TRIP12: variants seen among roughly 807,000 people sequenced by gnomAD.
TRIP12 encodes the protein thyroid hormone receptor interactor 12, also known as E3 ubiquitin-protein ligase TRIP12.
A neutral mutation model predicts 244.2 loss-of-function variants in TRIP12; 25 were observed. The observed-to-expected ratio is 0.10, with a 90% CI of 0.07 to 0.14. The LOEUF (loss-of-function observed/expected upper bound fraction) is 0.14, where lower values mean the gene tolerates loss of function less well. TRIP12 is among the 10% of genes least tolerant of loss of function. The pLI, the probability that TRIP12 is intolerant of heterozygous loss-of-function variation, is 1.00. For synonymous variants in TRIP12, 905 were observed against 873.1 expected, an observed-to-expected ratio of 1.04 and a Z score of -0.64; for missense variants, 1,677 against 2,486.4, an observed-to-expected ratio of 0.67 and a Z score of 6.92.
intron 13 of TRIP12, among the ~76,000 whole-genome samples, chr2:229,811,794 C>A (rs1374822160): frequency 2.6e-5 from 4 of 152,182 alleles, no homozygotes; most frequent in South Asian, 4.1e-4. Context: ...GAATGTTTTA[C>A]TGGCTAATGT....
chr2:229,767,591 G>C lies in TRIP12; in HGVS notation c.6167C>G (p.Ala2056Gly). The C allele has an allele frequency of 6.2e-7, 1 of 1,613,320 alleles. No homozygotes were observed. Among genetic ancestry groups the C allele is most frequent in the Non-Finnish European group, 8.5e-7 (1 of 1,179,752 alleles). Reference sequence around the variant, plus strand: ...GAACGACTGCTGCCCTTCTCTTGCTGCTATCAACAGTTTTTCACGCATTAT... The same window carrying C: ...GAACGACTGCTGCCCTTCTCTTGCTCCTATCAACAGTTTTTCACGCATTAT... ...IEIMREKLLIAAREGQQSFHL... is the reference protein window; with the variant it reads ...IEIMREKLLIGAREGQQSFHL... Residue 2056 changes from alanine to glycine, a missense_variant, in exon 42 of 42, where the codon GCA becomes GGA. Transcript: ENST00000675903.
upstream of TRIP12, chr2:229,922,127 G>A (rs979050382): frequency 2.3e-5 from 4 of 175,866 alleles, no homozygotes; most frequent in Admixed American, 1.8e-4. Flanking sequence ...GACCGGCACC[G>A]CTGCCTACTG....
intron 25 of TRIP12, 129 bp downstream of exon 25, chr2:229,796,462 T>C: frequency 1.5e-6 from 1 of 671,160 alleles, no homozygotes; most frequent in Non-Finnish European, 2.3e-6. Flanking sequence ...ATTCCAACTA[T>C]GTGAAAACCT....
chr2:229,916,258 A>C (rs2075358071), intron 1 of TRIP12, among the ~76,000 whole-genome samples: 1 of 152,266 alleles, frequency 6.6e-6, no homozygotes, highest in African/African-American at 2.4e-5. Context: ...AAGGTTACAA[A>C]GATGGGAAAT....
chr2:229,790,578 A>C (rs2041248858), intron 30 of TRIP12, among the ~76,000 whole-genome samples: 1 of 152,058 alleles, frequency 6.6e-6, no homozygotes, highest in African/African-American at 2.4e-5. Flanking sequence ...ATATTGTCTA[A>C]CTCTAAGGCA....
At chr2:229,870,656 A>C (rs1381662255) in intron 2 of TRIP12, among the ~76,000 whole-genome samples, 1 of 152,258 alleles carries the variant, frequency 6.6e-6, no homozygotes, top group African/African-American at 2.4e-5. Context: ...AAAATTACTA[A>C]AGAAGGAAAT....
intron 38 of TRIP12, chr2:229,773,851 C>A: frequency 3.0e-6 from 1 of 331,056 alleles, no homozygotes; most frequent in Non-Finnish European, 5.5e-6. Context: ...ACTAAGAAAA[C>A]GTGGTGTAAT....
At chr2:229,922,954 A>G (rs73998710), upstream of TRIP12, among the ~76,000 whole-genome samples, 1,068 of 152,282 alleles carry the variant, frequency 7.0e-3, 15 homozygotes, top group African/African-American at 0.024. Context: ...TCAGCGTGAG[A>G]AGGAGGGAAA....
At chr2:229,888,422 T>C (rs1431800907) in intron 1 of TRIP12, among the ~76,000 whole-genome samples, 2 of 151,308 alleles carry the variant, frequency 1.3e-5, no homozygotes, top group African/African-American at 2.4e-5. Context: ...GGATGAAATA[T>C]TGGGAAATGC....
At chr2:229,803,473 T>TAAA in intron 20 of TRIP12, 98 bp downstream of exon 20, 4 of 750,130 alleles carry the variant, frequency 5.3e-6, no homozygotes, top group African/African-American at 1.8e-5. Flanking sequence ...ATGTCATTTT[T>TAAA]AAATTGAAAA....
intron 37 of TRIP12, 96 bp from the exon 38 acceptor site, chr2:229,774,357 C>T (rs1201253654): frequency 7.0e-6 from 9 of 1,285,666 alleles, no homozygotes; most frequent in Non-Finnish European, 9.5e-6. Context: ...ATAAGCTATC[C>T]TAATAAAGCT....
chr2:229,865,122 G>A (rs2061271808), intron 2 of TRIP12, among the ~76,000 whole-genome samples: 1 of 151,860 alleles, frequency 6.6e-6, no homozygotes, highest in Non-Finnish European at 1.5e-5. Context: ...GACCAGCCTG[G>A]GCAACATGGT....
intron 6 of TRIP12, among the ~76,000 whole-genome samples, chr2:229,832,553 G>A (rs1398533581): frequency 1.3e-5 from 2 of 152,198 alleles, no homozygotes; most frequent in Non-Finnish European, 2.9e-5. Flanking sequence ...TTACAGGTAG[G>A]CAGCATTTAT....
At chr2:229,902,740 T>C (rs1013848712) in intron 1 of TRIP12, among the ~76,000 whole-genome samples, 3 of 152,190 alleles carry the variant, frequency 2.0e-5, no homozygotes, top group African/African-American at 7.2e-5. Flanking sequence ...CTAAAGAATC[T>C]ATGCTTCAAA....
At chr2:229,853,110 C>A (rs2059006758) in intron 4 of TRIP12, among the ~76,000 whole-genome samples, 1 of 152,092 alleles carries the variant, frequency 6.6e-6, no homozygotes, top group African/African-American at 2.4e-5. Flanking sequence ...CTCCTACTGA[C>A]CAATTATGTC....
chr2:229,905,780 C>T (rs531185870), intron 1 of TRIP12, among the ~76,000 whole-genome samples: 4 of 152,158 alleles, frequency 2.6e-5, no homozygotes, highest in Non-Finnish European at 4.4e-5. Context: ...AACACCAAGA[C>T]GCCCACCAAT....
chr2:229,779,418 T>C (rs1467339709), intron 34 of TRIP12, among the ~76,000 whole-genome samples: 1 of 152,220 alleles, frequency 6.6e-6, no homozygotes, highest in Non-Finnish European at 1.5e-5. Context: ...TGTTCCTTTT[T>C]TCTTGGGGCT....
chr2:229,860,648 A>AC, intron 2 of TRIP12, 117 bp from the exon 3 acceptor site: 3 of 961,958 alleles, frequency 3.1e-6, no homozygotes, highest in Non-Finnish European at 4.2e-6. Flanking sequence ...TGTTGACCCT[A>AC]CCCTTTTTCC....
At chr2:229,850,362 G>T (rs574329896) in intron 4 of TRIP12, among the ~76,000 whole-genome samples, 3 of 152,216 alleles carry the variant, frequency 2.0e-5, no homozygotes, top group African/African-American at 7.2e-5. Context: ...TCACATATTG[G>T]AACTTCTAAA....
Sources: gnomAD v4.1 joint callset for allele counts (sites outside exome capture counted in the v4.1 genomes callset) on GRCh38, gnomAD v4.1.1 for gene constraint, MANE v1.5 for transcripts, NCBI Gene and HGNC (gene_info 2026-07-23, HGNC 2026-07-21) for gene names.